The following NMT1 variants were observed in gnomAD, a reference collection of about 807,000 sequenced individuals.
The protein encoded by NMT1 is glycylpeptide N-tetradecanoyltransferase 1.
NMT1 carries 12 observed loss-of-function variants against 63.4 expected under a neutral mutation model. The observed-to-expected ratio is 0.19, with a 90% CI of 0.12 to 0.31. The LOEUF (loss-of-function observed/expected upper bound fraction) is 0.31. Among genes scored for constraint, NMT1 ranks in the 10% least tolerant of loss-of-function variants. The probability of loss-of-function intolerance (pLI) is 1.00; values close to 1 mark genes in which losing one functional copy is unlikely to be tolerated. For missense variants in NMT1, 432 were observed against 634.6 expected, an observed-to-expected ratio of 0.68 and a Z score of 3.43; for synonymous variants, 228 against 234.3, an observed-to-expected ratio of 0.97 and a Z score of 0.25.
At chr17:45,078,945 GAC>G (rs1301354828) in intron 1 of NMT1, among the ~76,000 whole-genome samples, 2 of 151,964 alleles carry the variant, frequency 1.3e-5, no homozygotes, top group African/African-American at 4.8e-5. Context: ...TTACAGGCAT[GAC>G]CCACCATGCT....
At position 45,104,152 on chromosome 17, in the gene NMT1, C is replaced by A. The variant is rs2054187922; in HGVS notation, c.1332+276C>A. The A allele has an allele frequency of 7.5e-7, 1 of 1,341,478 alleles. No individual in the cohort carries two copies. The highest frequency in any genetic ancestry group is 3.0e-5 in the Admixed American group (1 of 33,136). The allele number at this position is 1,341,478 out of a possible 1,614,324, so 83.1% of individuals were successfully genotyped here. ...CCACCAAGGAGCCTGAATAGCCAGGCCTTCCCTGGGAGGACAGGGCTTCTC... is the reference window on the plus strand; with the variant it reads ...CCACCAAGGAGCCTGAATAGCCAGGACTTCCCTGGGAGGACAGGGCTTCTC... On this transcript the variant is annotated intron_variant, in intron 10 of 11. Transcript: ENST00000258960. The surrounding 1 kb of genome is among the most constrained non-coding windows in gnomAD (Gnocchi z 4.2).
chr17:45,094,921 TC>T (rs1435433418), intron 4 of NMT1, among the ~76,000 whole-genome samples: 1 of 151,490 alleles, frequency 6.6e-6, no homozygotes, highest in Non-Finnish European at 1.5e-5. Context: ...CAAGTGATTC[TC>T]CTGCCTCAGC....
chr17:45,065,743 T>G (rs1341255117), intron 1 of NMT1, among the ~76,000 whole-genome samples: 2 of 152,136 alleles, frequency 1.3e-5, no homozygotes, highest in Non-Finnish European at 2.9e-5. Flanking sequence ...TTTTTTGTCT[T>G]AATATTATTT....
rs1362841019 is a variant in NMT1 at position 45,061,409 on chromosome 17, A to G, written c.80A>G (p.His27Arg). Residue 27 changes from histidine (H) to arginine (R), a missense_variant, in exon 1 of 12, where the codon CAT (histidine) becomes CGT (arginine). Around this residue, in one of 4 missense-constraint regions of NMT1, gnomAD observed 121 missense variants for 103.7 expected, o/e 1.17. Coordinates refer to ENST00000258960, the MANE Select transcript of NMT1 (RefSeq NM_021079.5). Reference protein sequence around the residue: ...PQMMEGNGNGHEHCSDCENEE... With the variant: ...PQMMEGNGNGREHCSDCENEE... Reference sequence around the variant, plus strand: ...ATGATGGAAGGGAACGGGAACGGCCATGAGCACTGCAGCGATTGCGAGAAT... The same window carrying G: ...ATGATGGAAGGGAACGGGAACGGCCGTGAGCACTGCAGCGATTGCGAGAAT... 1 of 1,613,998 alleles carries G rather than the reference A, an allele frequency of 6.2e-7. No homozygotes were observed. The highest frequency in any genetic ancestry group is 8.5e-7 in the Non-Finnish European group (1 of 1,180,002).
intron 6 of NMT1, 21 bp from the exon 7 acceptor site, chr17:45,098,361 C>T: frequency 6.2e-7 from 1 of 1,608,842 alleles, no homozygotes; most frequent in Non-Finnish European, 8.5e-7. Context: ...ACCTTGTCAC[C>T]TGGATTTTTC....
rs2054194101 is a variant in NMT1, at chr17:45,105,091, C to G, written c.1470+95C>G. On this transcript the variant is annotated intron_variant, in intron 11 of 11. Transcript: ENST00000258960. The surrounding 1 kb of genome is among the most constrained non-coding windows in gnomAD (Gnocchi z 4.2). ...CATGGGTTGAGGAGACAGCCGCAGT[C>G]TGGGTCCTTGTTACCTCGAGTTGAA... 6 of 1,526,666 alleles carry G rather than the reference C, an allele frequency of 3.9e-6. No homozygotes were observed. The South Asian group carries it at 5.8e-5, about 15-fold the overall frequency. The allele number at this position is 1,526,666 out of a possible 1,614,324, so 94.6% of individuals were successfully genotyped here. A position where few individuals can be genotyped will look rare whatever the true frequency, so the allele number is the denominator to read the frequency against.
chr17:45,074,359 C>T (rs911662292), intron 1 of NMT1, among the ~76,000 whole-genome samples: 8 of 151,972 alleles, frequency 5.3e-5, no homozygotes, highest in Non-Finnish European at 1.0e-4. Flanking sequence ...GGACTACAGG[C>T]GCCCACCACC....
Position 45,104,392 on chromosome 17 carries a change from C to A in NMT1, c.1333-467C>A. The A allele has an allele frequency of 8.9e-7, 1 of 1,123,544 alleles. No individual in the cohort carries two copies. Among genetic ancestry groups the A allele is most frequent in the Non-Finnish European group, 1.1e-6 (1 of 911,896 alleles). 69.6% of individuals were successfully genotyped at this position (1,123,544 alleles called of 1,614,324 possible). A position where few individuals can be genotyped will look rare whatever the true frequency, so the allele number is the denominator to read the frequency against. The stretch of plus-strand genomic sequence containing the variant: ...CCAGTTGGTGAGGTTTAGGAAGCAT[C>A]TTCACAGTCTCCAAGCAACACAGCA... On this transcript the variant is annotated intron_variant, in intron 10 of 11. Transcript: ENST00000258960. The surrounding 1 kb of genome is among the most constrained non-coding windows in gnomAD (Gnocchi z 4.2).
chr17:45,070,354 T>A lies in NMT1; in HGVS notation c.131+8894T>A, dbSNP rs141436818. ...CAACCTCTGCCTCCTGGGTTCAAAC[T>A]ATTCTCTTGCCTCAGCCTCTCAAGT... On this transcript the variant is annotated intron_variant, in intron 1 of 11. Transcript: ENST00000258960. Among the ~76,000 whole-genome samples the A allele has an allele frequency of 1.6e-3, 249 of 151,922 alleles. 1 individual carries two copies. The highest frequency in any genetic ancestry group is 5.7e-3 in the African/African-American group (235 of 41,448).
At chr17:45,098,578 CA>C (rs768855720) in intron 7 of NMT1, 26 bp downstream of exon 7, 1 of 1,608,426 alleles carries the variant, frequency 6.2e-7, no homozygotes, top group Non-Finnish European at 8.5e-7. Flanking sequence ...TGTAAGGCCC[CA>C]AAAATGCGGG....
rs1186856505 is a variant in NMT1 at position 45,065,673 on chromosome 17, A to G, written c.131+4213A>G. 6.6e-5 allele frequency among the ~76,000 whole-genome samples: 10 copies of G among 150,950 alleles called. No homozygotes were observed. The South Asian group carries it at 2.1e-3, about 31-fold the overall frequency. On this transcript the variant is annotated intron_variant, in intron 1 of 11. Transcript: ENST00000258960. ...ATACCTACAGAAACCAGGAAGCTCCAATTTGCTGTGGAGCTTTCCACTGTT... is the reference window on the plus strand; with the variant it reads ...ATACCTACAGAAACCAGGAAGCTCCGATTTGCTGTGGAGCTTTCCACTGTT...
At chr17:45,072,185 G>A (rs1567862320) in intron 1 of NMT1, among the ~76,000 whole-genome samples, 1 of 151,550 alleles carries the variant, frequency 6.6e-6, no homozygotes, top group Non-Finnish European at 1.5e-5. Flanking sequence ...CTGGGAGGTT[G>A]AGGCTGCAGT....
intron 6 of NMT1, among the ~76,000 whole-genome samples, chr17:45,097,651 C>T (rs1335001915): frequency 6.6e-6 from 1 of 152,150 alleles, no homozygotes; most frequent in African/African-American, 2.4e-5. Context: ...GCCATTGTGC[C>T]TGGCCAGAGG....
intron 3 of NMT1, among the ~76,000 whole-genome samples, chr17:45,090,084 A>G (rs1375242137): frequency 6.6e-6 from 1 of 151,948 alleles, no homozygotes; most frequent in Non-Finnish European, 1.5e-5. Flanking sequence ...GCAGCTCAAG[A>G]CCAGCCTGGA....
Position 45,104,491 on chromosome 17 carries a change from C to T in NMT1, c.1333-368C>T, listed in dbSNP as rs1182548371. 10 of 1,104,346 alleles carry T rather than the reference C, an allele frequency of 9.1e-6. No individual in the cohort carries two copies. Among genetic ancestry groups the T allele is most frequent in the Non-Finnish European group, 1.0e-5 (9 of 902,288 alleles). The allele number at this position is 1,104,346 out of a possible 1,614,324, so 68.4% of individuals were successfully genotyped here. A position where few individuals can be genotyped will look rare whatever the true frequency, so the allele number is the denominator to read the frequency against. ...CATGGAGTAAGGAAGCAACACAAAC[C>T]CCATGTAGCTGACCAGAGCCAGCTT... On this transcript the variant is annotated intron_variant, in intron 10 of 11. Transcript: ENST00000258960. The surrounding 1 kb of genome is among the most constrained non-coding windows in gnomAD (Gnocchi z 4.2).
In NMT1 at chr17:45,078,314, A is replaced by C. The variant is rs188857971; in HGVS notation, c.132-3330A>C. 9.8e-5 allele frequency among the ~76,000 whole-genome samples: 15 copies of C among 152,308 alleles called. No homozygotes were observed. In the East Asian group the frequency reaches 2.9e-3, roughly 29 times the overall value. On this transcript the variant is annotated intron_variant, in intron 1 of 11. Coordinates refer to ENST00000258960, the MANE Select transcript of NMT1 (RefSeq NM_021079.5). ...CTATATAGAGTTCAGGTGATGCAGA[A>C]AGATTGTGAAGGCAAAGAGATCCAG...
At chr17:45,088,306 T>C (rs938708452) in intron 3 of NMT1, among the ~76,000 whole-genome samples, 12 of 152,258 alleles carry the variant, frequency 7.9e-5, no homozygotes, top group African/African-American at 2.7e-4. Flanking sequence ...CACCTCTGAA[T>C]GAAATCCCTG....
chr17:45,097,273 C>T (rs369806348), intron 6 of NMT1, 29 bp downstream of exon 6: 2 of 1,476,394 alleles, frequency 1.4e-6, no homozygotes, highest in Non-Finnish European at 1.9e-6. Context: ...CCCCACCCCC[C>T]ACAACACCGC....
At position 45,096,399 on chromosome 17, in the gene NMT1, T is replaced by C. The variant is rs866634933; in HGVS notation, c.596+114T>C. ...GGCCAACCTTTGAATGGCAAATTAG[T>C]GTGTCATTTTTGAGTTCCTGCATCT... On this transcript the variant is annotated intron_variant, in intron 5 of 11. Transcript: ENST00000258960. The C allele has an allele frequency of 1.3e-5, 10 of 798,396 alleles. 1 individual carries two copies. The Middle Eastern group carries it at 9.7e-4, about 78-fold the overall frequency. 49.5% of individuals were successfully genotyped at this position (798,396 alleles called of 1,614,324 possible). A position where few individuals can be genotyped will look rare whatever the true frequency, so the allele number is the denominator to read the frequency against.
Sources: allele counts gnomAD v4.1 joint callset (sites outside exome capture counted in the v4.1 genomes callset), GRCh38; gene constraint gnomAD v4.1.1; regional missense constraint gnomAD v4.1.1; non-coding constraint Gnocchi (gnomAD v3.1); transcripts MANE v1.5; gene names NCBI Gene and HGNC (gene_info 2026-07-23, HGNC 2026-07-21).